Variants in SORL1-AS1 observed in about 807,000 individuals in gnomAD.
SORL1-AS1 encodes lncRNA 51 A.
At chr11:121,447,038 G>A (rs1860733589), downstream of SORL1-AS1, among the ~76,000 whole-genome samples, 2 of 152,156 alleles carry the variant, frequency 1.3e-5, no homozygotes, top group South Asian at 4.1e-4. Flanking sequence ...TTCAGCTTAA[G>A]TTCCTCTCAT....
downstream of SORL1-AS1, among the ~76,000 whole-genome samples, chr11:121,445,605 C>T (rs560769309): frequency 8.5e-5 from 13 of 152,108 alleles, no homozygotes; most frequent in East Asian, 7.8e-4. Context: ...TCTCCTCAGA[C>T]GCTGAAAATA....
At chr11:121,451,898 A>G (rs546498363) in intron 1 of SORL1-AS1, among the ~76,000 whole-genome samples, 26 of 152,272 alleles carry the variant, frequency 1.7e-4, no homozygotes, top group African/African-American at 5.3e-4. Flanking sequence ...GCCACGGTTT[A>G]GGACGACCTC....
At chr11:121,439,815 T>C in the SORL1-AS1 span, among the ~76,000 whole-genome samples, 1 of 152,222 alleles carries the variant, frequency 6.6e-6, no homozygotes, top group African/African-American at 2.4e-5. Context: ...TCTTCAACTT[T>C]TGCATAAAAT....
rs1860778613 is a variant in SORL1-AS1, at chr11:121,450,711, A to G, written n.340-812T>C. On this transcript the variant is annotated intron_variant and non_coding_transcript_variant, in intron 1 of 1. Transcript: ENST00000501964. The surrounding 1 kb of genome is among the most constrained non-coding windows in gnomAD (Gnocchi z 5.2). ...ATGAACAAAGCAGGGTGGTTAACAT[A>G]GAGAATGCATGATTTGCTTGGTGGG... 1.3e-5 allele frequency among the ~76,000 whole-genome samples: 2 copies of G among 152,158 alleles called. No homozygotes were observed. The highest frequency in any genetic ancestry group is 2.9e-5 in the Non-Finnish European group (2 of 68,030).
chr11:121,441,687 GGATGTTCTGGT>G, the SORL1-AS1 span, among the ~76,000 whole-genome samples: 4 of 152,132 alleles, frequency 2.6e-5, no homozygotes, highest in Non-Finnish European at 5.9e-5. Flanking sequence ...GGTGGCTTGA[GGATGTTCTGGT>G]GAGCCATTGT....
rs912699220 is a variant in SORL1-AS1 at position 121,450,818 on chromosome 11, A to T, written n.340-919T>A. ...TGGGGAGAAAATCGGGTGTGGGAGGAGGTGGGAGAGTGCAGAACCTGAGGC... is the reference window on the plus strand; with the variant it reads ...TGGGGAGAAAATCGGGTGTGGGAGGTGGTGGGAGAGTGCAGAACCTGAGGC... On this transcript the variant is annotated intron_variant and non_coding_transcript_variant, in intron 1 of 1. Coordinates refer to ENST00000501964, the Ensembl canonical transcript of SORL1-AS1. This position sits in a 1 kb window ranked among gnomAD's most constrained non-coding sequence, Gnocchi z 5.2. Among the ~76,000 whole-genome samples, 1 of 151,766 alleles carries T rather than the reference A, an allele frequency of 6.6e-6. No homozygotes were observed. The highest frequency in any genetic ancestry group is 1.5e-5 in the Non-Finnish European group (1 of 67,944).
At position 121,452,589 on chromosome 11, in the gene SORL1-AS1, G is replaced by T; in HGVS notation, n.339+86C>A. On this transcript the variant is annotated intron_variant and non_coding_transcript_variant, in intron 1 of 1. Coordinates refer to ENST00000501964, the Ensembl canonical transcript of SORL1-AS1. The surrounding 1 kb of genome is among the most constrained non-coding windows in gnomAD (Gnocchi z 5.3). ...GGAGGAAACGGAGCGCTGCCCTGCA[G>T]CCCGAGCCCATCAAGGTGTACGGAC... is the stretch of plus-strand genomic sequence containing the variant. The T allele has an allele frequency of 6.6e-7, 1 of 1,521,596 alleles. No homozygotes were observed. The allele number at this position is 1,521,596 out of a possible 1,614,324, so 94.3% of individuals were successfully genotyped here.
At chr11:121,438,600 C>T in the SORL1-AS1 span, among the ~76,000 whole-genome samples, 2,007 of 152,000 alleles carry the variant, frequency 0.013, 48 homozygotes, top group African/African-American at 0.045. Context: ...TGTTGAGATT[C>T]ATCTACGTTG....
Position 121,452,609 on chromosome 11 carries a change from A to T in SORL1-AS1, n.339+66T>A. 1 of 1,502,832 alleles carries T rather than the reference A, an allele frequency of 6.7e-7. No individual in the cohort carries two copies. The highest frequency in any genetic ancestry group is 8.8e-7 in the Non-Finnish European group (1 of 1,132,148). The allele number at this position is 1,502,832 out of a possible 1,614,324, so 93.1% of individuals were successfully genotyped here. On this transcript the variant is annotated intron_variant and non_coding_transcript_variant, in intron 1 of 1. Transcript: ENST00000501964. The surrounding 1 kb of genome is among the most constrained non-coding windows in gnomAD (Gnocchi z 5.3). ...CTGCAGCCCGAGCCCATCAAGGTGT[A>T]CGGACAGGTGAGCAGTTTTGCAACC...
At chr11:121,438,821 T>A in the SORL1-AS1 span, among the ~76,000 whole-genome samples, 159 of 151,656 alleles carry the variant, frequency 1.0e-3, 4 homozygotes, top group East Asian at 0.027. Context: ...AGGTCAGGAG[T>A]TCGAGAGCAG....
the SORL1-AS1 span, among the ~76,000 whole-genome samples, chr11:121,440,905 T>C: frequency 6.6e-6 from 1 of 152,208 alleles, no homozygotes; most frequent in Non-Finnish European, 1.5e-5. Context: ...TACGACTAAA[T>C]ACAGTTATGC....
At chr11:121,447,041 C>T (rs546101105), downstream of SORL1-AS1, among the ~76,000 whole-genome samples, 1 of 152,286 alleles carries the variant, frequency 6.6e-6, no homozygotes, top group South Asian at 2.1e-4. Context: ...AGCTTAAGTT[C>T]CTCTCATTCA....
At chr11:121,443,590 T>C (rs145649889), downstream of SORL1-AS1, among the ~76,000 whole-genome samples, 58 of 152,344 alleles carry the variant, frequency 3.8e-4, no homozygotes, top group East Asian at 9.8e-3. Flanking sequence ...CTTTAATCCA[T>C]GCTAGGGGTG....
At chr11:121,446,938 G>A (rs967152780), downstream of SORL1-AS1, among the ~76,000 whole-genome samples, 9 of 152,090 alleles carry the variant, frequency 5.9e-5, no homozygotes, top group African/African-American at 2.2e-4. Flanking sequence ...TGTGCCTAAC[G>A]CATGCATCCC....
At chr11:121,441,530 CAA>C in the SORL1-AS1 span, among the ~76,000 whole-genome samples, 57 of 52,362 alleles carry the variant, frequency 1.1e-3, no homozygotes, top group East Asian at 0.012. Context: ...GACTCTGTCT[CAA>C]AAAAAAAAAA....
At chr11:121,438,230 T>C in the SORL1-AS1 span, among the ~76,000 whole-genome samples, 1 of 152,212 alleles carries the variant, frequency 6.6e-6, no homozygotes, top group Non-Finnish European at 1.5e-5. Context: ...TGATAAGCAT[T>C]AGTCTAGCTT....
chr11:121,439,005 G>A, the SORL1-AS1 span, among the ~76,000 whole-genome samples: 36 of 152,164 alleles, frequency 2.4e-4, no homozygotes, highest in African/African-American at 5.3e-4. Context: ...CAGCCTGGGC[G>A]GCAGAGCGAG....
At chr11:121,446,215 T>C (rs1165342687), downstream of SORL1-AS1, among the ~76,000 whole-genome samples, 4 of 152,202 alleles carry the variant, frequency 2.6e-5, no homozygotes, top group African/African-American at 4.8e-5. Flanking sequence ...CAAGACATCA[T>C]TACAATTTAG....
At chr11:121,438,691 C>T in the SORL1-AS1 span, among the ~76,000 whole-genome samples, 2 of 152,180 alleles carry the variant, frequency 1.3e-5, no homozygotes, top group African/African-American at 4.8e-5. Context: ...TCTCTTTAGT[C>T]TATTGATAGA....
Sources: allele counts gnomAD v4.1 joint callset (sites outside exome capture counted in the v4.1 genomes callset), GRCh38; gene constraint gnomAD v4.1.1; non-coding constraint Gnocchi (gnomAD v3.1); transcripts MANE v1.5; gene names NCBI Gene and HGNC (gene_info 2026-07-23, HGNC 2026-07-21).